The following EHMT1 variants were observed in gnomAD, a reference collection of about 807,000 sequenced individuals.
EHMT1 encodes histone-lysine N-methyltransferase EHMT1.
A neutral mutation model predicts 147.2 loss-of-function variants in EHMT1; 15 were observed. The observed-to-expected ratio is 0.10, with a 90% CI of 0.07 to 0.16. EHMT1 has a LOEUF of 0.16. Ranked by LOEUF, EHMT1 falls within the 10% of genes least tolerant of loss-of-function variation. EHMT1 has a pLI of 1.00. For missense variants in EHMT1, 1,587 were observed against 1,772.4 expected (o/e 0.90, Z 1.88); for synonymous variants, 795 against 709.6 (o/e 1.12, Z -1.91).
rs1483739699 is a variant in EHMT1 at position 137,640,315 on chromosome 9, G to T, written c.21+21266G>T. 4.6e-5 allele frequency among the ~76,000 whole-genome samples: 7 copies of T among 152,218 alleles called. No homozygotes were observed. The East Asian group carries it at 9.7e-4, about 21-fold the overall frequency. ...TGTGTTTTAGAGACCTGGTCTTGCT[G>T]TTACCCTGGCTGGAGTGCAGTGGCG... On this transcript the variant is annotated intron_variant, in intron 1 of 26. Transcript: ENST00000460843.
chr9:137,815,988 C>G lies in EHMT1; in HGVS notation c.3300C>G (p.Pro1100=). 6.2e-7 allele frequency: 1 copy of G among 1,612,298 alleles called. No individual in the cohort carries two copies. Among genetic ancestry groups the G allele is most frequent in the Non-Finnish European group, 8.5e-7 (1 of 1,179,190 alleles). The part of the protein sequence containing the change: ...LLPEFNMAEP[P]LIFECNHACS... ...CAGAGTTCAACATGGCGGAGCCTCC[C>G]TTGATCTTCGAATGCAACCACGCGT... Residue 1100 remains proline (P), a synonymous_variant, in exon 23 of 27, where the codon CCC becomes CCG. Coordinates refer to ENST00000460843, the MANE Select transcript of EHMT1 (RefSeq NM_024757.5).
chr9:137,789,592 T>A (rs954003398), intron 15 of EHMT1, among the ~76,000 whole-genome samples: 2 of 152,264 alleles, frequency 1.3e-5, no homozygotes, highest in African/African-American at 4.8e-5. Context: ...CATGGGTCAC[T>A]GTGCGCCTCC....
intron 18 of EHMT1, among the ~76,000 whole-genome samples, chr9:137,811,112 C>T (rs1437959893): frequency 6.6e-6 from 1 of 152,124 alleles, no homozygotes; most frequent in Non-Finnish European, 1.5e-5. Context: ...TTTAAAAATA[C>T]ATGAAAGAAA....
At position 137,731,257 on chromosome 9, in the gene EHMT1, G is replaced by A. The variant is rs1424552029; in HGVS notation, c.823+2728G>A. ...CTTGAGCACTGGAGGAGATGTGCTC[G>A]GCAGTTAGCTGCCTGCTGTGGTCCA... On this transcript the variant is annotated intron_variant, in intron 4 of 26. Transcript: ENST00000460843. The surrounding 1 kb of genome is among the most constrained non-coding windows in gnomAD (Gnocchi z 4.3). Among the ~76,000 whole-genome samples the A allele has an allele frequency of 2.0e-5, 3 of 152,156 alleles. No individual in the cohort carries two copies. The highest frequency in any genetic ancestry group is 4.4e-5 in the Non-Finnish European group (3 of 68,030).
chr9:137,692,733 A>T (rs1196001820), intron 1 of EHMT1, among the ~76,000 whole-genome samples: 1 of 152,100 alleles, frequency 6.6e-6, no homozygotes, highest in African/African-American at 2.4e-5. Flanking sequence ...TGTGTGTCGG[A>T]CGGCAGTGAA....
intron 9 of EHMT1, among the ~76,000 whole-genome samples, chr9:137,762,469 T>A (rs980396754): frequency 6.6e-6 from 1 of 152,150 alleles, no homozygotes; most frequent in Non-Finnish European, 1.5e-5. Context: ...GGGGGTTTGT[T>A]AGCTGGGGAG....
At chr9:137,650,657 G>T (rs923927188) in intron 1 of EHMT1, among the ~76,000 whole-genome samples, 1 of 149,478 alleles carries the variant, frequency 6.7e-6, no homozygotes, top group African/African-American at 2.5e-5. Flanking sequence ...TCAGATATAG[G>T]ACCCCCCGCT....
Position 137,717,068 on chromosome 9 carries a change from A to T in EHMT1, c.528A>T (p.Pro176=). Residue 176 remains proline (P), a synonymous_variant, in exon 3 of 27, where the codon CCA becomes CCT. Coordinates refer to ENST00000460843, the MANE Select transcript of EHMT1 (RefSeq NM_024757.5). ...TTCCCCAGACGCCAGCCGCCCCACC[A>T]GCCACCCTTGGGGAGGGGAGTGCTG... The part of the protein sequence containing the change: ...SAFPQTPAAP[P]ATLGEGSADT... 1.2e-6 allele frequency: 2 copies of T among 1,607,802 alleles called. No individual in the cohort carries two copies. The highest frequency in any genetic ancestry group is 1.7e-6 in the Non-Finnish European group (2 of 1,176,324).
intron 3 of EHMT1, among the ~76,000 whole-genome samples, chr9:137,724,332 G>A (rs573192030): frequency 1.3e-5 from 2 of 152,148 alleles, no homozygotes; most frequent in African/African-American, 4.8e-5. Flanking sequence ...GCCCCCACAG[G>A]AGGGAAGAGC....
At chr9:137,730,996 G>A (rs1464724235) in intron 4 of EHMT1, among the ~76,000 whole-genome samples, 1 of 152,228 alleles carries the variant, frequency 6.6e-6, no homozygotes, top group African/African-American at 2.4e-5. Context: ...ACGTATGTGA[G>A]GACTTAAAAG....
At chr9:137,653,777 G>A (rs556389254) in intron 1 of EHMT1, among the ~76,000 whole-genome samples, 1 of 152,256 alleles carries the variant, frequency 6.6e-6, no homozygotes, top group African/African-American at 2.4e-5. Flanking sequence ...GCCTGCCTCG[G>A]CCTCCCAAAG....
intron 14 of EHMT1, among the ~76,000 whole-genome samples, chr9:137,781,006 C>T (rs113148591): frequency 0.012 from 1,302 of 106,678 alleles, 115 homozygotes; most frequent in African/African-American, 0.047. Context: ...GTGATGACGC[C>T]GGGATGTGTG....
chr9:137,779,892 A>G (rs996520337), intron 14 of EHMT1, among the ~76,000 whole-genome samples, 175 bp downstream of exon 14: 1 of 152,192 alleles, frequency 6.6e-6, no homozygotes, highest in African/African-American at 2.4e-5. Context: ...GAGGCTTTTT[A>G]TGGTGTTCAT....
rs1308906609 is a variant in EHMT1, at chr9:137,728,345, G to A, written c.643-4G>A. 6.2e-7 allele frequency: 1 copy of A among 1,614,162 alleles called. No homozygotes were observed. Among genetic ancestry groups the A allele is most frequent in the Non-Finnish European group, 8.5e-7 (1 of 1,180,030 alleles). On this transcript the variant is annotated splice_region_variant and splice_polypyrimidine_tract_variant and intron_variant, in intron 3 of 26. Transcript: ENST00000460843. ...TATAGTTATTCACTGTCTTTGTTTT[G>A]AAGCATGCAGCCAGTAAAGATCCCA...
intron 1 of EHMT1, chr9:137,641,001 T>G (rs1844446170): frequency 5.0e-6 from 1 of 201,360 alleles, no homozygotes; most frequent in Non-Finnish European, 9.9e-6. Context: ...TGTGTTCTAT[T>G]AGTTATCTTC....
rs1217198516 is a variant in EHMT1, at chr9:137,688,760, T to C, written c.22-22207T>C. On this transcript the variant is annotated intron_variant, in intron 1 of 26. Transcript: ENST00000460843. ...TGCACACGTTTGTATTTGTCATGAG[T>C]GATGAGTTTGCTTCTGCGTTCTCCT... Among the ~76,000 whole-genome samples the C allele has an allele frequency of 2.0e-5, 3 of 152,330 alleles. No individual in the cohort carries two copies. In the East Asian group the frequency reaches 5.8e-4, roughly 29 times the overall value.
chr9:137,743,892 C>G lies in EHMT1; in HGVS notation c.982-10C>G, dbSNP rs746250600. On this transcript the variant is annotated splice_polypyrimidine_tract_variant and intron_variant, in intron 5 of 26. Transcript: ENST00000460843. ...TCCTGCCTTGGGGTATACACCTGCC[C>G]GTGTTCTAGGGGGAGAAGGACCTGG... 3.7e-6 allele frequency: 6 copies of G among 1,607,600 alleles called. No individual in the cohort carries two copies. In the South Asian group the frequency reaches 6.6e-5, roughly 18 times the overall value.
chr9:137,833,512 C>G (rs1364964446), intron 25 of EHMT1, among the ~76,000 whole-genome samples: 1 of 152,244 alleles, frequency 6.6e-6, no homozygotes, highest in African/African-American at 2.4e-5. Flanking sequence ...ACCTTACTCC[C>G]ACGCAGCTCC....
At chr9:137,784,318 G>A (rs1171229999) in intron 15 of EHMT1, 15 of 1,352,252 alleles carry the variant, frequency 1.1e-5, no homozygotes, top group Admixed American at 6.1e-5. Context: ...TCACAGCCTC[G>A]TAGCCTCTTA....
Sources: allele counts gnomAD v4.1 joint callset (sites outside exome capture counted in the v4.1 genomes callset), GRCh38; gene constraint gnomAD v4.1.1; non-coding constraint Gnocchi (gnomAD v3.1); transcripts MANE v1.5; gene names NCBI Gene and HGNC (gene_info 2026-07-23, HGNC 2026-07-21).